NECAB1: variants seen among roughly 807,000 people sequenced by gnomAD.
NECAB1 encodes N-terminal EF-hand calcium binding protein 1.
Under a neutral mutation model 57.5 loss-of-function variants are expected in NECAB1, and 29 were observed. The observed-to-expected ratio is 0.50, with a 90% confidence interval of 0.38 to 0.69. The LOEUF is 0.69. Among genes scored for constraint, NECAB1 ranks in the 30% least tolerant of loss-of-function variants. The pLI is 0.00. For missense variants in NECAB1, 372 were observed against 413.8 expected (o/e 0.90, Z 0.88); for synonymous variants, 142 against 147.7 (o/e 0.96, Z 0.28).
intron 1 of NECAB1, among the ~76,000 whole-genome samples, chr8:90,797,639 G>A (rs1158596513): frequency 1.3e-5 from 2 of 152,100 alleles, no homozygotes; most frequent in Non-Finnish European, 2.9e-5. Context: ...TGCTAGTGGG[G>A]CATCCTCTTT....
At chr8:90,872,579 G>T (rs1808640337) in intron 4 of NECAB1, 1 of 152,996 alleles carries the variant, frequency 6.5e-6, no homozygotes, top group Admixed American at 6.5e-5. Context: ...TTCTGGAGTT[G>T]TAAATGTCAC....
rs913270897 is a variant in NECAB1 at position 90,951,059 on chromosome 8, T to C, written c.939-54T>C. The C allele has an allele frequency of 2.1e-5, 24 of 1,122,848 alleles. No homozygotes were observed. In the African/African-American group the frequency reaches 3.9e-4, roughly 18 times the overall value. The allele number at this position is 1,122,848 out of a possible 1,614,324, so 69.6% of individuals were successfully genotyped here. On this transcript the variant is annotated intron_variant, in intron 11 of 12. Coordinates refer to ENST00000417640, the MANE Select transcript of NECAB1 (RefSeq NM_022351.5). ...TGATCAAATTTGATCTCTGCTGTAC[T>C]TGGGAAGATTGTAAATAAAAATGCA...
At position 90,906,876 on chromosome 8, in the gene NECAB1, CATAT is replaced by C. The variant is rs57808023; in HGVS notation, c.358-10585_358-10582del. Among the ~76,000 whole-genome samples the C allele has an allele frequency of 2.8e-4, 34 of 121,754 alleles. 1 individual carries two copies. The highest frequency in any genetic ancestry group is 4.0e-4 in the Non-Finnish European group (24 of 59,456). 79.9% of individuals were successfully genotyped at this position (121,754 alleles called of 152,430 possible). A position where few individuals can be genotyped will look rare whatever the true frequency, so the allele number is the denominator to read the frequency against. ...ACCTTTTCCTTACATATGATATACA[CATAT>C]ATATATATATATATATATATATATA... On this transcript the variant is annotated intron_variant, in intron 5 of 12. Transcript: ENST00000417640.
chr8:90,805,556 C>A (rs905348027), intron 2 of NECAB1, among the ~76,000 whole-genome samples: 1 of 150,914 alleles, frequency 6.6e-6, no homozygotes, highest in African/African-American at 2.4e-5. Flanking sequence ...ATAAAGATAG[C>A]CTTCAGAGTA....
At chr8:90,920,207 T>C (rs1476601244) in intron 6 of NECAB1, among the ~76,000 whole-genome samples, 1 of 152,164 alleles carries the variant, frequency 6.6e-6, no homozygotes, top group Non-Finnish European at 1.5e-5. Flanking sequence ...CACCCAGGAA[T>C]GACAAAATCC....
Position 90,833,352 on chromosome 8 carries a change from T to G in NECAB1, c.233+8527T>G, listed in dbSNP as rs544396102. Among the ~76,000 whole-genome samples the G allele has an allele frequency of 2.6e-5, 4 of 151,896 alleles. No homozygotes were observed. In the South Asian group the frequency reaches 8.3e-4, roughly 32 times the overall value. The stretch of plus-strand genomic sequence containing the variant: ...TTCATATCTTTTTTATATTTTCTTA[T>G]CTAGAGAATTATTTTTCTGGTTTTC... On this transcript the variant is annotated intron_variant, in intron 3 of 12. Transcript: ENST00000417640.
chr8:90,929,039 T>G (rs1810345321), intron 8 of NECAB1, among the ~76,000 whole-genome samples: 1 of 152,214 alleles, frequency 6.6e-6, no homozygotes, highest in African/African-American at 2.4e-5. Context: ...CAGCACTGAC[T>G]TTGAAGAAAG....
At chr8:90,857,026 A>C (rs1027290973) in intron 3 of NECAB1, among the ~76,000 whole-genome samples, 7 of 152,224 alleles carry the variant, frequency 4.6e-5, no homozygotes, top group Admixed American at 2.0e-4. Context: ...AAAAGGAATG[A>C]TACACTATTG....
At chr8:90,804,048 T>G (rs1235366146) in intron 2 of NECAB1, among the ~76,000 whole-genome samples, 1 of 152,222 alleles carries the variant, frequency 6.6e-6, no homozygotes, top group East Asian at 1.9e-4. Flanking sequence ...GGCTGGAGAT[T>G]GTATTTCTCT....
At chr8:90,907,480 C>T (rs1809717961) in intron 5 of NECAB1, among the ~76,000 whole-genome samples, 1 of 152,176 alleles carries the variant, frequency 6.6e-6, no homozygotes, top group Non-Finnish European at 1.5e-5. Context: ...GTTACAGGTA[C>T]AGACAGATCA....
At chr8:90,850,550 T>C (rs1812663303) in intron 3 of NECAB1, among the ~76,000 whole-genome samples, 1 of 151,966 alleles carries the variant, frequency 6.6e-6, no homozygotes, top group South Asian at 2.1e-4. Context: ...TTGTCATAAA[T>C]ACAGCGAGCT....
chr8:90,914,411 T>C (rs1030057794), intron 5 of NECAB1, among the ~76,000 whole-genome samples: 4 of 152,090 alleles, frequency 2.6e-5, no homozygotes, highest in African/African-American at 9.7e-5. Flanking sequence ...ACAAGCTGAG[T>C]CTGGAAGGAT....
intron 3 of NECAB1, among the ~76,000 whole-genome samples, chr8:90,871,127 A>G (rs1808614992): frequency 6.6e-6 from 1 of 152,210 alleles, no homozygotes; most frequent in Non-Finnish European, 1.5e-5. Flanking sequence ...TAGGAAGAAT[A>G]TTTACATTGA....
intron 5 of NECAB1, among the ~76,000 whole-genome samples, chr8:90,902,334 CG>C (rs1809525985): frequency 6.6e-6 from 1 of 152,088 alleles, no homozygotes; most frequent in Non-Finnish European, 1.5e-5. Context: ...GTAGGAGAAT[CG>C]CTTGAACCCA....
At chr8:90,858,016 A>G (rs528688563) in intron 3 of NECAB1, among the ~76,000 whole-genome samples, 2 of 152,284 alleles carry the variant, frequency 1.3e-5, no homozygotes, top group Admixed American at 1.3e-4. Context: ...ACATCACTTG[A>G]TTTTCAATAA....
At chr8:90,863,022 A>T (rs549472759) in intron 3 of NECAB1, among the ~76,000 whole-genome samples, 72 of 152,250 alleles carry the variant, frequency 4.7e-4, no homozygotes, top group African/African-American at 1.4e-3. Flanking sequence ...CAGTATATGT[A>T]AACCCCAGAA....
At chr8:90,841,331 C>T (rs536559304) in intron 3 of NECAB1, among the ~76,000 whole-genome samples, 1 of 151,962 alleles carries the variant, frequency 6.6e-6, no homozygotes, top group South Asian at 2.1e-4. Flanking sequence ...TAGAAGTGAC[C>T]TATCTTGGGC....
At chr8:90,803,164 C>T (rs1385326579) in intron 2 of NECAB1, among the ~76,000 whole-genome samples, 1 of 152,022 alleles carries the variant, frequency 6.6e-6, no homozygotes, top group Non-Finnish European at 1.5e-5. Context: ...CCCAAAGTGC[C>T]GGGATTACAA....
intron 8 of NECAB1, among the ~76,000 whole-genome samples, chr8:90,933,880 G>A (rs765208844): frequency 7.9e-5 from 12 of 151,992 alleles, no homozygotes; most frequent in Non-Finnish European, 1.5e-4. Context: ...TGTAACAATA[G>A]ACTAATGTTT....
Sources: gnomAD v4.1 joint callset for allele counts (sites outside exome capture counted in the v4.1 genomes callset) on GRCh38, gnomAD v4.1.1 for gene constraint, MANE v1.5 for transcripts, NCBI Gene and HGNC (gene_info 2026-07-23, HGNC 2026-07-21) for gene names.